Variants in MGAT5 observed in about 807,000 individuals in gnomAD.
The protein encoded by MGAT5 is alpha-1,6-mannosylglycoprotein 6-beta-N-acetylglucosaminyltransferase, also known as alpha-1,6-mannosylglycoprotein 6-beta-N-acetylglucosaminyltransferase A.
In MGAT5, 30 loss-of-function variants were observed where a neutral mutation model predicts 94.3. The observed-to-expected ratio is 0.32, with a 90% CI of 0.24 to 0.43. The LOEUF is 0.43. Among genes scored for constraint, MGAT5 ranks in the 20% least tolerant of loss-of-function variants. The pLI, the probability that MGAT5 is intolerant of heterozygous loss-of-function variation, is 1.00. For missense variants in MGAT5, 691 were observed against 905.5 expected (o/e 0.76, Z 3.04); for synonymous variants, 310 against 322.9 (o/e 0.96, Z 0.43).
At position 134,441,781 on chromosome 2, in the gene MGAT5, G is replaced by A; in HGVS notation, c.1893G>A (p.Met631Ile). Residue 631 changes from methionine (M) to isoleucine (I), a missense_variant, in exon 15 of 16, where the codon ATG (methionine) becomes ATA (isoleucine). By Grantham distance (10) the Met-to-Ile change is conservative. Around this residue, in one of 4 missense-constraint regions of MGAT5, gnomAD observed 260 missense variants for 347.0 expected, o/e 0.75. Coordinates refer to ENST00000281923, the MANE Select transcript of MGAT5 (RefSeq NM_002410.5). ...EKQDFCHGQVMWPPLSALQVK... is the reference protein window; with the variant it reads ...EKQDFCHGQVIWPPLSALQVK... ...AGGACTTCTGCCATGGGCAAGTGAT[G>A]TGGCCACCCCTCAGCGCCCTACAGG... 1 of 1,613,184 alleles carries A rather than the reference G, an allele frequency of 6.2e-7. No individual in the cohort carries two copies. The highest frequency in any genetic ancestry group is 8.5e-7 in the Non-Finnish European group (1 of 1,179,244).
At chr2:134,408,172 A>AT (rs1480380938) in intron 11 of MGAT5, among the ~76,000 whole-genome samples, 1 of 152,000 alleles carries the variant, frequency 6.6e-6, no homozygotes, top group East Asian at 1.9e-4. Flanking sequence ...CTGGTGTGGA[A>AT]TTTGGGGGAG....
At chr2:134,421,601 A>G (rs1408597209) in intron 12 of MGAT5, among the ~76,000 whole-genome samples, 1 of 152,084 alleles carries the variant, frequency 6.6e-6, no homozygotes, top group African/African-American at 2.4e-5. Context: ...AAAAATAAAA[A>G]ACTAGATTCT....
Position 134,254,608 on chromosome 2 carries a change from G to C in MGAT5, c.205G>C (p.Val69Leu), listed in dbSNP as rs1276998545. Residue 69 changes from valine to leucine, a missense_variant, in exon 1 of 16, where the codon GTG becomes CTG. Physicochemically the swap from Val to Leu is conservative, Grantham distance 32 (BLOSUM62 1). Coordinates refer to ENST00000281923, the MANE Select transcript of MGAT5 (RefSeq NM_002410.5). ...ACTGGCAGAAGAAAACAGGAATGTG[G>C]TGGATGGGCCATACGCTGGAGTCAT... ...KALAEENRNV[V>L]DGPYAGVMTA... The C allele has an allele frequency of 6.2e-7, 1 of 1,614,100 alleles. No homozygotes were observed. The highest frequency in any genetic ancestry group is 8.5e-7 in the Non-Finnish European group (1 of 1,180,046).
chr2:134,215,493 A>G (rs1680445546), intron 1 of MGAT5, among the ~76,000 whole-genome samples: 1 of 152,216 alleles, frequency 6.6e-6, no homozygotes, highest in South Asian at 2.1e-4. Context: ...AGGAACAGGC[A>G]TGTGTGGAGA....
intron 2 of MGAT5, among the ~76,000 whole-genome samples, chr2:134,297,497 T>C (rs778781175): frequency 1.6e-4 from 24 of 152,106 alleles, no homozygotes; most frequent in Admixed American, 3.3e-4. Flanking sequence ...TCTTAAAATA[T>C]TAGAACCCCA....
intron 4 of MGAT5, among the ~76,000 whole-genome samples, chr2:134,323,816 CATTCCAA>C (rs1478172295): frequency 6.6e-6 from 1 of 152,106 alleles, no homozygotes; most frequent in Non-Finnish European, 1.5e-5. Flanking sequence ...AGGTGTCAGC[CATTCCAA>C]GTGGTAGGAA....
At chr2:134,333,704 C>G (rs533398751) in intron 4 of MGAT5, among the ~76,000 whole-genome samples, 1 of 152,134 alleles carries the variant, frequency 6.6e-6, no homozygotes, top group South Asian at 2.1e-4. Context: ...CAAAAGAAAA[C>G]AAAGTTAGGG....
In MGAT5 at chr2:134,163,719, G is replaced by T. The variant is rs187793047; in HGVS notation, c.-143+43428G>T. 5.9e-4 allele frequency among the ~76,000 whole-genome samples: 89 copies of T among 151,910 alleles called. 1 individual carries two copies. The highest frequency in any genetic ancestry group is 3.4e-3 in the Middle Eastern group (1 of 294). ...AGAAAATTCTCCACTTTGGTTTCTTGTCTTAGCTCTACACAGTTCCCATTC... is the reference window on the plus strand; with the variant it reads ...AGAAAATTCTCCACTTTGGTTTCTTTTCTTAGCTCTACACAGTTCCCATTC... On this transcript the variant is annotated intron_variant, in intron 1 of 16. Coordinates refer to the MGAT5 transcript ENST00000409645.
chr2:134,358,154 A>G (rs763446173), intron 9 of MGAT5, among the ~76,000 whole-genome samples: 10 of 150,896 alleles, frequency 6.6e-5, no homozygotes, highest in Non-Finnish European at 1.3e-4. Context: ...GTATCAATCT[A>G]TATGCCCCAG....
chr2:134,227,409 T>A (rs999434383), intron 1 of MGAT5, among the ~76,000 whole-genome samples: 1 of 152,224 alleles, frequency 6.6e-6, no homozygotes, highest in African/African-American at 2.4e-5. Context: ...AAGATGAGAA[T>A]CTGCAGTGGT....
chr2:134,274,366 G>T (rs185994647), intron 2 of MGAT5, among the ~76,000 whole-genome samples: 1 of 152,122 alleles, frequency 6.6e-6, no homozygotes, highest in East Asian at 1.9e-4. Flanking sequence ...TTGGTATTTC[G>T]TTTCCCTAGT....
intron 8 of MGAT5, among the ~76,000 whole-genome samples, chr2:134,345,734 G>C (rs2106024911): frequency 6.6e-6 from 1 of 152,198 alleles, no homozygotes; most frequent in East Asian, 1.9e-4. Context: ...TTTGAGAAAA[G>C]GTGTAGTTTG....
At chr2:134,338,998 A>G (rs994416712) in intron 6 of MGAT5, among the ~76,000 whole-genome samples, 2 of 152,178 alleles carry the variant, frequency 1.3e-5, no homozygotes, top group Non-Finnish European at 2.9e-5. Flanking sequence ...CTGGCTTTAG[A>G]TTAACTGTTC....
intron 7 of MGAT5, 33 bp from the exon 8 acceptor site, chr2:134,344,896 CT>C: frequency 6.2e-7 from 1 of 1,601,720 alleles, no homozygotes; most frequent in Non-Finnish European, 8.5e-7. Context: ...TGATTTTTCT[CT>C]TTTTTCTCCC....
At chr2:134,121,489 G>C (rs545538702) in intron 1 of MGAT5, among the ~76,000 whole-genome samples, 28 of 152,354 alleles carry the variant, frequency 1.8e-4, no homozygotes, top group African/African-American at 4.3e-4. Flanking sequence ...GAGCGCAGAG[G>C]GGGTGCTTGG....
intron 14 of MGAT5, among the ~76,000 whole-genome samples, chr2:134,433,525 T>G (rs1293838419): frequency 6.6e-6 from 1 of 152,212 alleles, no homozygotes; most frequent in African/African-American, 2.4e-5. Flanking sequence ...CTCAGTTTTA[T>G]AGGCACCGTC....
chr2:134,411,941 T>C (rs1453040674), intron 11 of MGAT5, among the ~76,000 whole-genome samples: 1 of 152,138 alleles, frequency 6.6e-6, no homozygotes, highest in African/African-American at 2.4e-5. Flanking sequence ...GGCTTTTATG[T>C]GGGTAGAGAG....
chr2:134,338,509 T>TTTGAGATATGAC, intron 6 of MGAT5, 89 bp downstream of exon 6: 1 of 1,369,666 alleles, frequency 7.3e-7, no homozygotes, highest in Non-Finnish European at 9.9e-7. Flanking sequence ...AGAAATGTCA[T>TTTGAGATATGAC]ATCTCAAATG....
At chr2:134,235,724 A>AG (rs201123541) in intron 1 of MGAT5, among the ~76,000 whole-genome samples, 1 of 118,876 alleles carries the variant, frequency 8.4e-6, no homozygotes, top group East Asian at 2.2e-4. Context: ...TAATAATAAT[A>AG]GGGGTTTTTT....
Sources: allele counts gnomAD v4.1 joint callset (sites outside exome capture counted in the v4.1 genomes callset), GRCh38; gene constraint gnomAD v4.1.1; regional missense constraint gnomAD v4.1.1; transcripts MANE v1.5; gene names NCBI Gene and HGNC (gene_info 2026-07-23, HGNC 2026-07-21).